LRRIQ1: variants seen among roughly 807,000 people sequenced by gnomAD.
LRRIQ1 encodes leucine-rich repeat- and IQ domain-containing protein 1.
In LRRIQ1, 210 loss-of-function variants were observed where a neutral mutation model predicts 211.9. The ratio of observed to expected loss-of-function variants is 0.99; its 90% CI spans 0.89 to 1.11. The LOEUF is 1.11. Ranked by LOEUF, LRRIQ1 falls within the 50% of genes most tolerant of loss-of-function variation. LRRIQ1 has a pLI of 0.00. For synonymous variants in LRRIQ1, 699 were observed against 650.1 expected (o/e 1.08, Z -1.14); for missense variants, 2,136 against 1,939.5 (o/e 1.10, Z -1.90).
intron 15 of LRRIQ1, among the ~76,000 whole-genome samples, chr12:85,108,141 G>A (rs2136331376): frequency 6.6e-6 from 1 of 152,066 alleles, no homozygotes; most frequent in Middle Eastern, 3.4e-3. Context: ...TAATTTCATT[G>A]TATTACTTTA....
At chr12:85,108,839 A>C (rs979213398) in intron 15 of LRRIQ1, among the ~76,000 whole-genome samples, 1 of 152,174 alleles carries the variant, frequency 6.6e-6, no homozygotes, top group Admixed American at 6.5e-5. Context: ...CATGCTAAGT[A>C]TAGGGGAAGG....
At chr12:85,095,400 A>G (rs1321263097) in intron 11 of LRRIQ1, among the ~76,000 whole-genome samples, 3 of 152,152 alleles carry the variant, frequency 2.0e-5, no homozygotes, top group Non-Finnish European at 4.4e-5. Context: ...AATTCTGCTT[A>G]TGTGGTGAAT....
the LRRIQ1 span, among the ~76,000 whole-genome samples, chr12:85,272,281 AAG>A: frequency 1.3e-5 from 2 of 152,202 alleles, no homozygotes; most frequent in East Asian, 3.8e-4. Flanking sequence ...TAACCTAAAA[AAG>A]AATGCAAGAT....
At chr12:85,097,968 A>G (rs1031060102) in intron 11 of LRRIQ1, among the ~76,000 whole-genome samples, 2 of 152,178 alleles carry the variant, frequency 1.3e-5, no homozygotes, top group South Asian at 2.1e-4. Flanking sequence ...AATACTATAC[A>G]TGCAACCTGA....
intron 15 of LRRIQ1, among the ~76,000 whole-genome samples, chr12:85,121,258 G>A (rs2136422421): frequency 1.3e-5 from 2 of 152,120 alleles, no homozygotes; most frequent in East Asian, 3.9e-4. Flanking sequence ...TTTTGTTTTA[G>A]TCCTACTCTC....
downstream of LRRIQ1, among the ~76,000 whole-genome samples, chr12:85,266,797 A>G (rs1162200197): frequency 6.6e-6 from 1 of 152,154 alleles, no homozygotes; most frequent in African/African-American, 2.4e-5. Context: ...CTTTGCTGTA[A>G]GGCAATAACA....
At chr12:85,192,995 T>C (rs1892665162) in intron 24 of LRRIQ1, among the ~76,000 whole-genome samples, 1 of 71,194 alleles carries the variant, frequency 1.4e-5, no homozygotes, top group South Asian at 3.6e-4. Flanking sequence ...TTATATAATA[T>C]AATATATAAA....
rs557344889 is a variant in LRRIQ1 at position 85,087,050 on chromosome 12, C to T, written c.2888-11305C>T. 2.8e-4 allele frequency among the ~76,000 whole-genome samples: 42 copies of T among 152,072 alleles called. No individual in the cohort carries two copies. The East Asian group carries it at 6.8e-3, about 24-fold the overall frequency. On this transcript the variant is annotated intron_variant, in intron 11 of 26. Transcript: ENST00000393217. The stretch of plus-strand genomic sequence containing the variant: ...TGTTGGTGTACTGCACCCATTAACT[C>T]GTCATTTACATTAGGTATATCTCCT...
intron 24 of LRRIQ1, among the ~76,000 whole-genome samples, chr12:85,192,369 T>TTA (rs999988064): frequency 8.6e-5 from 12 of 139,398 alleles, no homozygotes; most frequent in African/African-American, 2.9e-4. Flanking sequence ...TACTCTTCCG[T>TTA]TATATATATA....
chr12:85,231,198 A>G (rs1440224622), intron 25 of LRRIQ1, among the ~76,000 whole-genome samples: 9 of 152,222 alleles, frequency 5.9e-5, no homozygotes, highest in Admixed American at 5.9e-4. Context: ...ACAGCAAGTC[A>G]AAATAGGTTT....
chr12:85,143,849 T>G (rs10862959), intron 19 of LRRIQ1, among the ~76,000 whole-genome samples: 33,215 of 151,528 alleles, frequency 0.22, 4,308 homozygotes, highest in Admixed American at 0.31. Flanking sequence ...GTTTATGTTT[T>G]GTTTTTTAGT....
intron 24 of LRRIQ1, among the ~76,000 whole-genome samples, chr12:85,174,558 T>C (rs10219586): frequency 0.036 from 5,414 of 149,954 alleles, 325 homozygotes; most frequent in African/African-American, 0.13. Flanking sequence ...AAAAAATAGC[T>C]GGGCATGCTG....
intron 19 of LRRIQ1, among the ~76,000 whole-genome samples, chr12:85,147,701 T>C (rs10083014): frequency 7.4e-6 from 1 of 136,000 alleles, no homozygotes; most frequent in African/African-American, 2.7e-5. Context: ...CTGAGATAGA[T>C]AGCTGCTATT....
chr12:85,118,729 A>G (rs990161164), intron 15 of LRRIQ1, among the ~76,000 whole-genome samples: 10 of 152,154 alleles, frequency 6.6e-5, no homozygotes, highest in African/African-American at 2.4e-4. Flanking sequence ...TGAATATTTC[A>G]TCTCAGACTA....
downstream of LRRIQ1, among the ~76,000 whole-genome samples, chr12:85,247,737 C>CT (rs1468538912): frequency 1.3e-5 from 2 of 151,586 alleles, no homozygotes; most frequent in Middle Eastern, 3.2e-3. Flanking sequence ...TGGTAATTCT[C>CT]TTGAGTCATT....
intron 11 of LRRIQ1, among the ~76,000 whole-genome samples, chr12:85,089,736 T>C (rs578113203): frequency 1.3e-5 from 2 of 152,320 alleles, no homozygotes; most frequent in African/African-American, 4.8e-5. Flanking sequence ...TAATGACTTA[T>C]AGTTGGAACT....
intron 24 of LRRIQ1, among the ~76,000 whole-genome samples, chr12:85,216,590 T>TTA (rs944267627): frequency 6.6e-6 from 1 of 151,604 alleles, no homozygotes; most frequent in Non-Finnish European, 1.5e-5. Flanking sequence ...TGTGTATGTG[T>TTA]TATATTTCAA....
chr12:85,159,038 T>C (rs901081479), intron 23 of LRRIQ1, among the ~76,000 whole-genome samples: 3 of 152,054 alleles, frequency 2.0e-5, no homozygotes, highest in African/African-American at 4.8e-5. Flanking sequence ...TTTGAATTAA[T>C]TCAAGATTAA....
chr12:85,057,974 A>G (rs983581265), intron 8 of LRRIQ1, among the ~76,000 whole-genome samples: 3 of 152,176 alleles, frequency 2.0e-5, no homozygotes, highest in African/African-American at 7.2e-5. Context: ...GAACAATCAT[A>G]TTAATAGATA....
Sources: gnomAD v4.1 joint callset for allele counts (sites outside exome capture counted in the v4.1 genomes callset) on GRCh38, gnomAD v4.1.1 for gene constraint, MANE v1.5 for transcripts, NCBI Gene and HGNC (gene_info 2026-07-23, HGNC 2026-07-21) for gene names.